Variants in SYNPR observed in about 807,000 individuals in gnomAD.
SYNPR encodes synaptoporin.
Under a neutral mutation model 32.9 loss-of-function variants are expected in SYNPR, and 23 were observed. The observed-to-expected ratio is 0.70, with a 90% CI of 0.50 to 0.99. The LOEUF is 0.99. SYNPR is among the 50% of genes least tolerant of loss of function. The pLI, the probability that SYNPR is intolerant of heterozygous loss-of-function variation, is 0.00. For synonymous variants in SYNPR, 146 were observed against 135.9 expected (o/e 1.07, Z -0.52); for missense variants, 318 against 349.3 (o/e 0.91, Z 0.71).
chr3:63,479,057 C>T (rs1315396997), intron 2 of SYNPR, among the ~76,000 whole-genome samples: 1 of 152,156 alleles, frequency 6.6e-6, no homozygotes, highest in Non-Finnish European at 1.5e-5. Flanking sequence ...TTCTGTGTCT[C>T]AACCCTAGAT....
chr3:63,418,027 G>A (rs1215151479), intron 2 of SYNPR, among the ~76,000 whole-genome samples: 1 of 152,094 alleles, frequency 6.6e-6, no homozygotes, highest in East Asian at 1.9e-4. Context: ...TCAGAAAATG[G>A]GATTTTTCTT....
At chr3:63,392,733 C>T (rs564298300) in intron 2 of SYNPR, among the ~76,000 whole-genome samples, 24 of 152,068 alleles carry the variant, frequency 1.6e-4, no homozygotes, top group Non-Finnish European at 2.2e-4. Flanking sequence ...CATTTCTTAC[C>T]GGATAATGCT....
intron 3 of SYNPR, among the ~76,000 whole-genome samples, chr3:63,551,674 T>C (rs1355390528): frequency 6.6e-6 from 1 of 152,178 alleles, no homozygotes; most frequent in African/African-American, 2.4e-5. Flanking sequence ...ACTTTTCATC[T>C]GGGTAATTCC....
At chr3:63,383,411 T>C (rs2087998563) in intron 2 of SYNPR, among the ~76,000 whole-genome samples, 1 of 152,122 alleles carries the variant, frequency 6.6e-6, no homozygotes, top group East Asian at 1.9e-4. Flanking sequence ...TGGAGCAGCA[T>C]AGCAAAAGAA....
chr3:63,472,217 C>T (rs530836927), intron 2 of SYNPR, among the ~76,000 whole-genome samples: 2 of 152,254 alleles, frequency 1.3e-5, no homozygotes, highest in South Asian at 4.1e-4. Flanking sequence ...CCACAGTGTG[C>T]TCCATCAGAG....
intron 4 of SYNPR, among the ~76,000 whole-genome samples, chr3:63,565,090 T>C (rs1229427738): frequency 6.6e-6 from 1 of 152,182 alleles, no homozygotes; most frequent in Non-Finnish European, 1.5e-5. Flanking sequence ...CTATATGTTT[T>C]CTTTTTCATT....
intron 3 of SYNPR, among the ~76,000 whole-genome samples, chr3:63,540,929 C>A (rs866728146): frequency 0.027 from 1,762 of 64,740 alleles, 17 homozygotes; most frequent in African/African-American, 0.035. Flanking sequence ...ATCCCCCCCC[C>A]AACACACACA....
chr3:63,346,959 T>C (rs1190820143), intron 2 of SYNPR, among the ~76,000 whole-genome samples: 1 of 152,178 alleles, frequency 6.6e-6, no homozygotes, highest in Admixed American at 6.6e-5. Context: ...TAAGGAATAA[T>C]TTTATGGAAG....
At chr3:63,354,580 C>G (rs1300607135) in intron 2 of SYNPR, among the ~76,000 whole-genome samples, 2 of 152,126 alleles carry the variant, frequency 1.3e-5, no homozygotes, top group Non-Finnish European at 2.9e-5. Context: ...GTAGGAAGAA[C>G]TTCAAACTCA....
chr3:63,426,732 T>C (rs1301509650), intron 2 of SYNPR: 2 of 152,152 alleles, frequency 1.3e-5, no homozygotes, highest in African/African-American at 4.8e-5. Context: ...CTTCCTCTGA[T>C]AGGGGGTCAC....
intron 2 of SYNPR, among the ~76,000 whole-genome samples, chr3:63,253,801 G>A (rs1385066394): frequency 1.3e-5 from 2 of 152,134 alleles, no homozygotes; most frequent in African/African-American, 4.8e-5. Flanking sequence ...ATTTGACCCA[G>A]CCATCTCATT....
chr3:63,265,241 C>CTTTTTTTTTTTTTTTTTT lies in SYNPR; in HGVS notation n.155-2067_155-2050dup, dbSNP rs71126590. 1.6e-4 allele frequency among the ~76,000 whole-genome samples: 16 copies of CTTTTTTTTTTTTTTTTTT among 102,212 alleles called. 2 individuals are homozygous for CTTTTTTTTTTTTTTTTTT. Among genetic ancestry groups the CTTTTTTTTTTTTTTTTTT allele is most frequent in the East Asian group, 4.0e-4 (1 of 2,508 alleles). 67.1% of individuals were successfully genotyped at this position (102,212 alleles called of 152,430 possible). A position where few individuals can be genotyped will look rare whatever the true frequency, so the allele number is the denominator to read the frequency against. On this transcript the variant is annotated intron_variant and non_coding_transcript_variant, in intron 2 of 4. Transcript: ENST00000478456. The stretch of plus-strand genomic sequence containing the variant: ...TGGCAATTTGGTTTCTAATGACATT[C>CTTTTTTTTTTTTTTTTTT]TTTTTTTTTTTTTTTTTTTTTTTTT...
At chr3:63,317,135 C>T (rs115140791) in intron 2 of SYNPR, among the ~76,000 whole-genome samples, 3,405 of 151,964 alleles carry the variant, frequency 0.022, 132 homozygotes, top group African/African-American at 0.077. Context: ...TGTATTGTGG[C>T]TCATTTTATG....
At chr3:63,207,059 T>G in the SYNPR span, among the ~76,000 whole-genome samples, 4 of 152,208 alleles carry the variant, frequency 2.6e-5, no homozygotes, top group African/African-American at 9.6e-5. Context: ...GTTCCTGATG[T>G]TTCAGGTCCT....
chr3:63,255,281 T>G (rs1229577769), intron 2 of SYNPR, among the ~76,000 whole-genome samples: 3 of 152,098 alleles, frequency 2.0e-5, no homozygotes, highest in Admixed American at 6.5e-5. Context: ...TCAAAAAACT[T>G]GAAAATTTCC....
chr3:63,313,140 T>C (rs2086986166), intron 2 of SYNPR, among the ~76,000 whole-genome samples: 1 of 152,028 alleles, frequency 6.6e-6, no homozygotes, highest in Admixed American at 6.6e-5. Context: ...ATACCATTTA[T>C]TGAAAGAATG....
chr3:63,414,368 T>G (rs2088512187), intron 2 of SYNPR, among the ~76,000 whole-genome samples: 1 of 152,170 alleles, frequency 6.6e-6, no homozygotes, highest in Admixed American at 6.6e-5. Flanking sequence ...TTTTATTAGG[T>G]TGCAAATGTG....
intron 2 of SYNPR, among the ~76,000 whole-genome samples, chr3:63,347,274 C>T (rs779431975): frequency 1.8e-4 from 27 of 152,210 alleles, no homozygotes; most frequent in African/African-American, 5.5e-4. Flanking sequence ...TTGGCAATAA[C>T]GAATGCAAAG....
chr3:63,379,160 T>A (rs2087932823), intron 2 of SYNPR, among the ~76,000 whole-genome samples: 1 of 152,180 alleles, frequency 6.6e-6, no homozygotes, highest in Admixed American at 6.6e-5. Context: ...TCATTGAGTA[T>A]TCTGTATAAT....
Sources: gnomAD v4.1 joint callset for allele counts (sites outside exome capture counted in the v4.1 genomes callset) on GRCh38, gnomAD v4.1.1 for gene constraint, MANE v1.5 for transcripts, NCBI Gene and HGNC (gene_info 2026-07-23, HGNC 2026-07-21) for gene names.